Variants in MYO3B observed in about 807,000 individuals in gnomAD.
The protein encoded by MYO3B is myosin IIIB.
Under a neutral mutation model 174.6 loss-of-function variants are expected in MYO3B, and 156 were observed. That is an observed-to-expected ratio of 0.89 (90% CI 0.78 to 1.02). The LOEUF is 1.02. Among genes scored for constraint, MYO3B ranks in the 50% least tolerant of loss-of-function variants. The pLI, the probability that MYO3B is intolerant of heterozygous loss-of-function variation, is 0.00. For missense variants in MYO3B, 1,632 were observed against 1,639.4 expected (o/e 1.00, Z 0.08); for synonymous variants, 563 against 569.1 (o/e 0.99, Z 0.15).
intron 28 of MYO3B, among the ~76,000 whole-genome samples, chr2:170,511,613 A>G (rs1234759053): frequency 6.6e-6 from 1 of 152,178 alleles, no homozygotes; most frequent in Non-Finnish European, 1.5e-5. Flanking sequence ...ATCTTGCTTC[A>G]TTTTACAGAT....
rs1015989036 is a variant in MYO3B at position 170,200,337 on chromosome 2, A to G, written c.321+53A>G. The G allele has an allele frequency of 7.6e-6, 12 of 1,578,660 alleles. No homozygotes were observed. The African/African-American group carries it at 1.1e-4, about 14-fold the overall frequency. On this transcript the variant is annotated intron_variant, in intron 3 of 34. Transcript: ENST00000408978. The stretch of plus-strand genomic sequence containing the variant: ...GATTTGAACAGAGTGCCAGAGGCCA[A>G]CAGATGCTTTATTACCTAGAGGGTG...
At chr2:170,610,268 AG>A (rs11291066) in intron 32 of MYO3B, among the ~76,000 whole-genome samples, 116,317 of 151,446 alleles carry the variant, frequency 0.77, 44,832 homozygotes, top group Non-Finnish European at 0.81. Flanking sequence ...TGAACCCCGG[AG>A]GGTGGAGCTT....
intron 32 of MYO3B, among the ~76,000 whole-genome samples, chr2:170,585,765 A>ACAGTGGC (rs1205147209): frequency 1.2e-4 from 19 of 152,264 alleles, no homozygotes; most frequent in Admixed American, 2.0e-4. Flanking sequence ...AAGAAATCAC[A>ACAGTGGC]CAGTGGCCAG....
rs200232144 is a variant in MYO3B, at chr2:170,532,119, T to TA, written c.3576-10786dup. ...CAAACTGACAGCATGTGCCTCCTGT[T>TA]ATGATGTATTGAGAAGAAGACAACA... is the stretch of plus-strand genomic sequence containing the variant. On this transcript the variant is annotated intron_variant, in intron 30 of 34. Coordinates refer to ENST00000408978, the MANE Select transcript of MYO3B (RefSeq NM_138995.5). 6.8e-3 allele frequency among the ~76,000 whole-genome samples: 1,030 copies of TA among 152,298 alleles called. 15 individuals are homozygous for TA. The highest frequency in any genetic ancestry group is 0.023 in the African/African-American group (973 of 41,576).
chr2:170,400,654 C>T (rs527828277), intron 17 of MYO3B, among the ~76,000 whole-genome samples: 18 of 141,680 alleles, frequency 1.3e-4, no homozygotes, highest in African/African-American at 3.7e-4. Flanking sequence ...CCACCCCCCC[C>T]CCCTCGGCCT....
intron 16 of MYO3B, among the ~76,000 whole-genome samples, chr2:170,396,863 A>T (rs1317939281): frequency 6.6e-6 from 1 of 152,142 alleles, no homozygotes; most frequent in African/African-American, 2.4e-5. Flanking sequence ...TGTGTGTTTT[A>T]ATTACAGGAA....
chr2:170,498,565 G>A, intron 25 of MYO3B, 27 bp from the exon 26 acceptor site: 1 of 1,505,022 alleles, frequency 6.6e-7, no homozygotes, highest in Non-Finnish European at 9.2e-7. Flanking sequence ...GACTGAAAAG[G>A]CTTCACTTAA....
At chr2:170,522,529 A>T (rs572974739) in intron 30 of MYO3B, among the ~76,000 whole-genome samples, 2 of 152,286 alleles carry the variant, frequency 1.3e-5, no homozygotes, top group African/African-American at 2.4e-5. Flanking sequence ...CACCTGATCA[A>T]TTGTCTTACA....
intron 32 of MYO3B, among the ~76,000 whole-genome samples, chr2:170,555,553 G>A (rs1213185673): frequency 6.6e-6 from 1 of 152,056 alleles, no homozygotes; most frequent in Non-Finnish European, 1.5e-5. Flanking sequence ...AGCCATTTCT[G>A]ATTGACTTCT....
At chr2:170,595,937 G>A (rs563814414) in intron 32 of MYO3B, among the ~76,000 whole-genome samples, 1 of 152,254 alleles carries the variant, frequency 6.6e-6, no homozygotes, top group South Asian at 2.1e-4. Context: ...TTGCATCTTA[G>A]TGAGGACCTT....
intron 6 of MYO3B, among the ~76,000 whole-genome samples, chr2:170,224,404 T>G (rs1280832908): frequency 6.6e-6 from 1 of 152,172 alleles, no homozygotes; most frequent in Non-Finnish European, 1.5e-5. Flanking sequence ...GAAAGGATAC[T>G]TGTACTCTCA....
Position 170,607,469 on chromosome 2 carries a change from C to T in MYO3B, c.3734-44159C>T, listed in dbSNP as rs183182928. 3.7e-4 allele frequency among the ~76,000 whole-genome samples: 57 copies of T among 152,332 alleles called. 1 individual carries two copies. Among genetic ancestry groups the T allele is most frequent in the Admixed American group, 1.1e-3 (17 of 15,300 alleles). ...GTTATGGCAGAGACTTGGCAAACCA[C>T]ACTCTAGTTTCTATCTACAAAGACA... is the stretch of plus-strand genomic sequence containing the variant. On this transcript the variant is annotated intron_variant, in intron 32 of 34. Coordinates refer to ENST00000408978, the MANE Select transcript of MYO3B (RefSeq NM_138995.5).
chr2:170,484,607 AG>A (rs1196525803), intron 25 of MYO3B, among the ~76,000 whole-genome samples: 21 of 152,220 alleles, frequency 1.4e-4, no homozygotes, highest in Non-Finnish European at 2.2e-4. Context: ...TGCTATCTAT[AG>A]TGAGTAATAC....
intron 7 of MYO3B, among the ~76,000 whole-genome samples, chr2:170,239,519 T>C (rs1212034787): frequency 1.3e-5 from 2 of 152,228 alleles, no homozygotes; most frequent in African/African-American, 2.4e-5. Flanking sequence ...CTGTCCATTG[T>C]CTCATCACAC....
intron 30 of MYO3B, among the ~76,000 whole-genome samples, chr2:170,537,832 C>A (rs553904158): frequency 2.6e-5 from 4 of 152,036 alleles, no homozygotes; most frequent in South Asian, 4.1e-4. Flanking sequence ...TTTGGGGCTA[C>A]CAAATGAGAC....
At chr2:170,503,734 A>G (rs1687435986) in intron 28 of MYO3B, among the ~76,000 whole-genome samples, 1 of 151,826 alleles carries the variant, frequency 6.6e-6, no homozygotes, top group South Asian at 2.1e-4. Flanking sequence ...TGATGTTGGG[A>G]ACTTCCATTA....
intron 22 of MYO3B, among the ~76,000 whole-genome samples, chr2:170,422,161 A>G (rs1348720793): frequency 1.3e-5 from 2 of 152,206 alleles, no homozygotes; most frequent in African/African-American, 2.4e-5. Flanking sequence ...AACCCCTAAT[A>G]TCTCTAGACC....
At chr2:170,470,882 A>G (rs1684939081) in intron 25 of MYO3B, among the ~76,000 whole-genome samples, 2 of 152,038 alleles carry the variant, frequency 1.3e-5, no homozygotes, top group South Asian at 4.2e-4. Context: ...CTTTGGAGAA[A>G]TGTTTATTCA....
chr2:170,476,556 A>G (rs1050885512), intron 25 of MYO3B, among the ~76,000 whole-genome samples: 1 of 151,126 alleles, frequency 6.6e-6, no homozygotes, highest in Non-Finnish European at 1.5e-5. Flanking sequence ...CAGTGGCCAG[A>G]CTCCTCTCCA....
Sources: allele counts gnomAD v4.1 joint callset (sites outside exome capture counted in the v4.1 genomes callset), GRCh38; gene constraint gnomAD v4.1.1; transcripts MANE v1.5; gene names NCBI Gene and HGNC (gene_info 2026-07-23, HGNC 2026-07-21).